Variants in CORIN observed in about 807,000 individuals in gnomAD.
The protein encoded by CORIN is atrial natriuretic peptide-converting enzyme.
Under a neutral mutation model 125.3 loss-of-function variants are expected in CORIN, and 117 were observed. That is an observed-to-expected ratio of 0.93 (90% CI 0.80 to 1.09). The LOEUF is 1.09. Ranked by LOEUF, CORIN falls within the 50% of genes least tolerant of loss-of-function variation. The pLI is 0.00. For synonymous variants in CORIN, 450 were observed against 466.4 expected (o/e 0.96, Z 0.45); for missense variants, 1,253 against 1,306.7 (o/e 0.96, Z 0.63).
intron 3 of CORIN, among the ~76,000 whole-genome samples, chr4:47,782,515 C>G (rs1454984303): frequency 6.6e-6 from 1 of 151,998 alleles, no homozygotes; most frequent in African/African-American, 2.4e-5. Flanking sequence ...AGTAAGGAAA[C>G]AGAGAAATAA....
intron 2 of CORIN, among the ~76,000 whole-genome samples, chr4:47,799,106 GGTGTGTGTGTGTGTGT>G (rs764434569): frequency 2.1e-5 from 3 of 141,452 alleles, no homozygotes; most frequent in Admixed American, 7.1e-5. Flanking sequence ...TATCCCATGG[GGTGTGTGTGTGTGTGT>G]GTGTGTGTGT....
chr4:47,606,036 C>T (rs1324220911), intron 19 of CORIN, among the ~76,000 whole-genome samples: 13 of 152,026 alleles, frequency 8.6e-5, no homozygotes, highest in Admixed American at 5.9e-4. Context: ...ATCAGAGGAA[C>T]GGACATCATT....
chr4:47,658,971 T>C (rs549728768), intron 12 of CORIN, among the ~76,000 whole-genome samples: 1 of 152,348 alleles, frequency 6.6e-6, no homozygotes, highest in South Asian at 2.1e-4. Flanking sequence ...CTTGAACACT[T>C]TGTTGCTTAG....
At chr4:47,700,644 G>A (rs1021369169) in intron 5 of CORIN, among the ~76,000 whole-genome samples, 3 of 152,160 alleles carry the variant, frequency 2.0e-5, no homozygotes, top group South Asian at 2.1e-4. Flanking sequence ...TAGACAGAAC[G>A]CGCCATTGTG....
intron 20 of CORIN, among the ~76,000 whole-genome samples, chr4:47,601,523 G>C (rs1232931498): frequency 6.6e-6 from 1 of 151,638 alleles, no homozygotes; most frequent in Non-Finnish European, 1.5e-5. Flanking sequence ...TTTTTTTGTA[G>C]AGACAGAGTT....
At chr4:47,724,866 T>C (rs1253384016) in intron 5 of CORIN, among the ~76,000 whole-genome samples, 1 of 152,160 alleles carries the variant, frequency 6.6e-6, no homozygotes. Context: ...CCAAATAACA[T>C]AATCTAATTA....
chr4:47,661,115 G>A (rs1241985839), intron 12 of CORIN, among the ~76,000 whole-genome samples: 2 of 152,202 alleles, frequency 1.3e-5, no homozygotes, highest in African/African-American at 2.4e-5. Context: ...TTATTTGTGG[G>A]AGCTGAAAAT....
At chr4:47,636,872 CA>C (rs1352053326) in intron 16 of CORIN, among the ~76,000 whole-genome samples, 1 of 152,232 alleles carries the variant, frequency 6.6e-6, no homozygotes, top group South Asian at 2.1e-4. Flanking sequence ...TGTAGATACC[CA>C]AAAGTGTGGA....
chr4:47,608,640 C>A (rs1025893930), intron 19 of CORIN, among the ~76,000 whole-genome samples: 1 of 152,168 alleles, frequency 6.6e-6, no homozygotes, highest in Admixed American at 6.5e-5. Context: ...ATTTGCTTCA[C>A]GTTTACACTA....
intron 10 of CORIN, among the ~76,000 whole-genome samples, chr4:47,672,643 T>C (rs572126036): frequency 2.6e-5 from 4 of 152,190 alleles, no homozygotes; most frequent in East Asian, 3.9e-4. Flanking sequence ...TGTATATATA[T>C]ACACACATAT....
At chr4:47,800,478 T>C (rs1309644570) in intron 2 of CORIN, among the ~76,000 whole-genome samples, 1 of 152,078 alleles carries the variant, frequency 6.6e-6, no homozygotes. Context: ...CTTTTTAAAA[T>C]GACAGTGGTA....
chr4:47,664,871 T>A (rs904207811), intron 11 of CORIN, among the ~76,000 whole-genome samples, 161 bp downstream of exon 11: 2 of 152,214 alleles, frequency 1.3e-5, no homozygotes, highest in East Asian at 3.8e-4. Flanking sequence ...CAAATATTCA[T>A]TTTACAACTT....
chr4:47,731,806 T>C (rs907147564), intron 5 of CORIN, among the ~76,000 whole-genome samples: 3 of 151,616 alleles, frequency 2.0e-5, no homozygotes, highest in Non-Finnish European at 4.4e-5. Flanking sequence ...GAGGCGGAGG[T>C]TGCAGTGAGC....
intron 5 of CORIN, among the ~76,000 whole-genome samples, chr4:47,737,242 C>T (rs1728174132): frequency 6.6e-6 from 1 of 152,180 alleles, no homozygotes; most frequent in Non-Finnish European, 1.5e-5. Flanking sequence ...GGCTATCTGG[C>T]CCCATATGTG....
At chr4:47,619,045 A>G (rs1722197355) in intron 19 of CORIN, among the ~76,000 whole-genome samples, 1 of 152,142 alleles carries the variant, frequency 6.6e-6, no homozygotes, top group African/African-American at 2.4e-5. Context: ...GTTTCTGACC[A>G]TTACTAGCTG....
chr4:47,674,793 A>G (rs1724939035), intron 9 of CORIN, among the ~76,000 whole-genome samples: 1 of 152,188 alleles, frequency 6.6e-6, no homozygotes, highest in African/African-American at 2.4e-5. Context: ...TTCTTTTTAC[A>G]TGGGTGCCAA....
intron 14 of CORIN, among the ~76,000 whole-genome samples, chr4:47,644,490 T>C (rs993002322): frequency 6.6e-6 from 1 of 152,232 alleles, no homozygotes; most frequent in Non-Finnish European, 1.5e-5. Flanking sequence ...TTTTCTGTTA[T>C]TTGTAGGTAA....
At chr4:47,665,319 C>CT (rs1724435213) in intron 10 of CORIN, 56 bp from the exon 11 acceptor site, 2 of 1,338,118 alleles carry the variant, frequency 1.5e-6, no homozygotes, top group African/African-American at 3.0e-5. Flanking sequence ...AAAACAACTT[C>CT]TTTAAGTTTT....
intron 5 of CORIN, among the ~76,000 whole-genome samples, chr4:47,742,475 A>C (rs1368258694): frequency 6.6e-6 from 1 of 152,028 alleles, no homozygotes; most frequent in African/African-American, 2.4e-5. Flanking sequence ...GAAATGTTTT[A>C]AAAATATATA....
Sources: gnomAD v4.1 joint callset for allele counts (sites outside exome capture counted in the v4.1 genomes callset) on GRCh38, gnomAD v4.1.1 for gene constraint, MANE v1.5 for transcripts, NCBI Gene and HGNC (gene_info 2026-07-23, HGNC 2026-07-21) for gene names.